The following ADAM9 variants were observed in gnomAD, a reference collection of about 807,000 sequenced individuals.
ADAM9 encodes ADAM metallopeptidase domain 9.
In ADAM9, 54 loss-of-function variants were observed where a neutral mutation model predicts 108.1. The observed-to-expected ratio is 0.50, with a 90% CI of 0.40 to 0.63. The LOEUF (loss-of-function observed/expected upper bound fraction) is 0.63, where lower values mean the gene tolerates loss of function less well. Among genes scored for constraint, ADAM9 ranks in the 20% least tolerant of loss-of-function variants. The pLI, the probability that ADAM9 is intolerant of heterozygous loss-of-function variation, is 0.00. For synonymous variants in ADAM9, 316 were observed against 336.0 expected (o/e 0.94, Z 0.65); for missense variants, 830 against 997.7 (o/e 0.83, Z 2.26).
At chr8:39,043,125 T>C (rs1287796640) in intron 12 of ADAM9, among the ~76,000 whole-genome samples, 1 of 152,136 alleles carries the variant, frequency 6.6e-6, no homozygotes, top group Non-Finnish European at 1.5e-5. Context: ...AGTATTCCAT[T>C]GTATGTGTGT....
intron 13 of ADAM9, 32 bp downstream of exon 13, chr8:39,054,605 A>G (rs1382363472): frequency 3.2e-6 from 4 of 1,246,174 alleles, no homozygotes; most frequent in South Asian, 1.5e-5. Flanking sequence ...GAAACAGGAA[A>G]AAAAAAAAAA....
At chr8:39,075,925 A>G (rs1232425645) in intron 15 of ADAM9, 1 of 152,246 alleles carries the variant, frequency 6.6e-6, no homozygotes, top group Non-Finnish European at 1.5e-5. Flanking sequence ...AAATGGTGAC[A>G]TAAGAATAAA....
At chr8:39,071,268 T>C (rs1184279196) in intron 14 of ADAM9, 30 bp from the exon 15 acceptor site, 1 of 1,604,962 alleles carries the variant, frequency 6.2e-7, no homozygotes, top group Admixed American at 1.7e-5. Context: ...ATAACTTTTT[T>C]TTTCTTTTTT....
chr8:39,058,495 A>T (rs1036442309), intron 14 of ADAM9, among the ~76,000 whole-genome samples: 3 of 152,186 alleles, frequency 2.0e-5, no homozygotes, highest in African/African-American at 7.2e-5. Flanking sequence ...AAACTTAATC[A>T]TGAAGCATGG....
chr8:39,089,335 G>T (rs554609435), intron 18 of ADAM9, among the ~76,000 whole-genome samples: 1 of 152,274 alleles, frequency 6.6e-6, no homozygotes, highest in South Asian at 2.1e-4. Flanking sequence ...CACCTGCCTG[G>T]TTGGCAAAAA....
chr8:39,026,642 C>T (rs1442883097), intron 10 of ADAM9, 35 bp from the exon 11 acceptor site: 1 of 1,613,868 alleles, frequency 6.2e-7, no homozygotes, highest in South Asian at 1.1e-5. Context: ...TCTTTGCGTT[C>T]AGAAACCTAA....
intron 1 of ADAM9, among the ~76,000 whole-genome samples, chr8:38,998,176 A>G (rs1482286656): frequency 2.6e-5 from 4 of 152,254 alleles, no homozygotes; most frequent in Admixed American, 6.5e-5. Context: ...GTTGACCTTC[A>G]GGAAACTAAT....
chr8:39,095,850 C>T (rs190064034), intron 20 of ADAM9, among the ~76,000 whole-genome samples: 9 of 152,200 alleles, frequency 5.9e-5, no homozygotes, highest in African/African-American at 1.4e-4. Flanking sequence ...TGTGATGAAT[C>T]GACACCTTTA....
In ADAM9 at chr8:39,021,677, G is replaced by A. The variant is rs747846918; in HGVS notation, c.707G>A (p.Arg236Lys). ...ATGGGAAGAAATCAGACTGCTGTGA[G>A]AGAAGAGATGATTCTCCTGGCAAAC... The part of the protein sequence containing the change: ...DMMGRNQTAV[R>K]EEMILLANYL... Residue 236 changes from arginine to lysine, a missense_variant, in exon 8 of 22, where the codon AGA (arginine) becomes AAA (lysine). Transcript: ENST00000487273. The A allele has an allele frequency of 6.2e-7, 1 of 1,614,090 alleles. No individual in the cohort carries two copies.
intron 4 of ADAM9, 154 bp downstream of exon 4, chr8:39,014,197 C>A: frequency 1.5e-6 from 1 of 684,520 alleles, no homozygotes; most frequent in Non-Finnish European, 2.6e-6. Flanking sequence ...AAAGTGGGTG[C>A]ATTTCTATAG....
At chr8:39,045,225 T>C (rs532317025) in intron 12 of ADAM9, among the ~76,000 whole-genome samples, 16 of 144,734 alleles carry the variant, frequency 1.1e-4, no homozygotes, top group African/African-American at 5.0e-5. Flanking sequence ...CATACATATA[T>C]GTGTATATAT....
Position 39,077,243 on chromosome 8 carries a change from A to C in ADAM9, c.1713A>C (p.Gly571=). Residue 571 remains glycine (G), a synonymous_variant, in exon 16 of 22, where the codon GGA becomes GGC. Coordinates refer to ENST00000487273, the MANE Select transcript of ADAM9 (RefSeq NM_003816.3). Reference sequence around the variant, plus strand: ...CTCTTTATAGGAATGCTTTGTGTGGAAAGCTTCAGTGTGAGAATGTACAAG... The same window carrying C: ...CTCTTTATAGGAATGCTTTGTGTGGCAAGCTTCAGTGTGAGAATGTACAAG... ...KKCATGNALC[G]KLQCENVQEI... is the part of the protein sequence containing the mutation. The C allele has an allele frequency of 1.2e-6, 2 of 1,614,014 alleles. No homozygotes were observed. The highest frequency in any genetic ancestry group is 1.7e-6 in the Non-Finnish European group (2 of 1,179,940).
At chr8:39,075,211 G>A (rs1838818025) in intron 15 of ADAM9, among the ~76,000 whole-genome samples, 1 of 152,038 alleles carries the variant, frequency 6.6e-6, no homozygotes, top group Non-Finnish European at 1.5e-5. Flanking sequence ...CTGGCCCTAA[G>A]CCCAAAATCT....
At chr8:39,082,851 T>TA (rs1211145937) in intron 17 of ADAM9, 117 bp from the exon 18 acceptor site, 10 of 1,345,726 alleles carry the variant, frequency 7.4e-6, no homozygotes, top group Non-Finnish European at 9.5e-6. Flanking sequence ...TTTTCATTCT[T>TA]AAACAGTGTC....
intron 14 of ADAM9, among the ~76,000 whole-genome samples, chr8:39,067,818 G>T (rs1009612650): frequency 6.6e-6 from 1 of 152,170 alleles, no homozygotes; most frequent in Non-Finnish European, 1.5e-5. Flanking sequence ...TCCCTGTCTT[G>T]TGCCAGTTTT....
In ADAM9 at chr8:39,104,959, T is replaced by C. The variant is rs1431532220; in HGVS notation, c.*1259T>C. On this transcript the variant is annotated 3_prime_UTR_variant, in exon 22 of 22. Coordinates refer to ENST00000487273, the MANE Select transcript of ADAM9 (RefSeq NM_003816.3). ...TTTTTGGTTTGTGTATATATACATA[T>C]ACAAATACAACATTTACAATAAATA... 1 of 427,492 alleles carries C rather than the reference T, an allele frequency of 2.3e-6. No individual in the cohort carries two copies. Among genetic ancestry groups the C allele is most frequent in the Non-Finnish European group, 4.6e-6 (1 of 219,758 alleles). The allele number at this position is 427,492 out of a possible 1,614,324, so 26.5% of individuals were successfully genotyped here.
chr8:39,099,374 C>G (rs968568956), intron 20 of ADAM9, among the ~76,000 whole-genome samples: 3 of 152,140 alleles, frequency 2.0e-5, no homozygotes, highest in African/African-American at 7.2e-5. Flanking sequence ...TCCCACCAAC[C>G]CAGCCAAGTG....
At chr8:39,068,040 A>C (rs1463187897) in intron 14 of ADAM9, among the ~76,000 whole-genome samples, 2 of 152,150 alleles carry the variant, frequency 1.3e-5, no homozygotes, top group Non-Finnish European at 2.9e-5. Context: ...TATATGCTGG[A>C]TTATGTTTAT....
At chr8:39,044,108 C>G (rs904708348) in intron 12 of ADAM9, among the ~76,000 whole-genome samples, 2 of 152,120 alleles carry the variant, frequency 1.3e-5, no homozygotes, top group Non-Finnish European at 2.9e-5. Context: ...CCCCACTTGT[C>G]TATTTTTGGC....
Sources: gnomAD v4.1 joint callset for allele counts (sites outside exome capture counted in the v4.1 genomes callset) on GRCh38, gnomAD v4.1.1 for gene constraint, MANE v1.5 for transcripts, NCBI Gene and HGNC (gene_info 2026-07-23, HGNC 2026-07-21) for gene names.